HERC2: variants seen among roughly 807,000 people sequenced by gnomAD.
The protein encoded by HERC2 is E3 ubiquitin-protein ligase HERC2.
In HERC2, 102 loss-of-function variants were observed where a neutral mutation model predicts 537.7. The ratio of observed to expected loss-of-function variants is 0.19; its 90% CI spans 0.16 to 0.22. The LOEUF (loss-of-function observed/expected upper bound fraction) is 0.22, where lower values mean the gene tolerates loss of function less well. Ranked by LOEUF, HERC2 falls within the 10% of genes least tolerant of loss-of-function variation. The pLI is 1.00. For missense variants in HERC2, 4,236 were observed against 6,198.2 expected (o/e 0.68, Z 10.63); for synonymous variants, 2,224 against 2,466.2 (o/e 0.90, Z 2.91).
intron 79 of HERC2, 71 bp downstream of exon 79, chr15:28,135,407 G>A: frequency 1.7e-6 from 2 of 1,206,136 alleles, no homozygotes; most frequent in Non-Finnish European, 2.4e-6. Flanking sequence ...AGCGCCAATA[G>A]ATTGTAGCAG....
intron 50 of HERC2, 150 bp from the exon 51 acceptor site, chr15:28,196,719 T>C (rs909356713): frequency 1.5e-5 from 9 of 584,242 alleles, no homozygotes; most frequent in Non-Finnish European, 2.5e-5. Flanking sequence ...AAAATGCTTA[T>C]GGATGAACTA....
chr15:28,141,643 T>C lies in HERC2; in HGVS notation c.11817-13A>G, dbSNP rs759047370. On this transcript the variant is annotated splice_polypyrimidine_tract_variant and intron_variant, in intron 77 of 92. Transcript: ENST00000261609. ...GTCATCTGGTCGCCTACAATACACA[T>C]CAAGTGAGCATTTGCCATGGGCAAG... The C allele has an allele frequency of 6.2e-6, 10 of 1,613,988 alleles. No individual in the cohort carries two copies. In the South Asian group the frequency reaches 7.7e-5, roughly 12 times the overall value.
chr15:28,233,732 G>C lies in HERC2; in HGVS notation c.4283C>G (p.Pro1428Arg). ...QCHLTTPIMFPPEHPVEEVGR... is the reference protein window; with the variant it reads ...QCHLTTPIMFRPEHPVEEVGR... ...GACCTCTTCCACGGGATGCTCGGGG[G>C]GAAACATGATCGGTGTGGTCAAATG... The change falls in exon 28 of 93, where the codon CCC becomes CGC. Residue 1428 changes from proline (P) to arginine (R), a missense_variant. Around this residue, in one of 27 missense-constraint regions of HERC2, gnomAD observed 94 missense variants for 174.9 expected, o/e 0.54. Coordinates refer to ENST00000261609, the MANE Select transcript of HERC2 (RefSeq NM_004667.6). 6.2e-7 allele frequency: 1 copy of C among 1,613,174 alleles called. No homozygotes were observed. The highest frequency in any genetic ancestry group is 8.5e-7 in the Non-Finnish European group (1 of 1,179,272).
chr15:28,266,971 A>G (rs756467466), intron 12 of HERC2, among the ~76,000 whole-genome samples: 1 of 152,238 alleles, frequency 6.6e-6, no homozygotes, highest in Non-Finnish European at 1.5e-5. Context: ...GATGGAATGA[A>G]GCCAGCACTC....
chr15:28,289,301 G>A (rs1339643536), intron 4 of HERC2, among the ~76,000 whole-genome samples: 9 of 152,074 alleles, frequency 5.9e-5, no homozygotes, highest in Non-Finnish European at 1.3e-4. Context: ...AGAAAGGAGA[G>A]TAGTCAGACC....
At chr15:28,291,450 C>A (rs1276458403) in intron 4 of HERC2, among the ~76,000 whole-genome samples, 4 of 151,926 alleles carry the variant, frequency 2.6e-5, no homozygotes, top group Non-Finnish European at 4.4e-5. Context: ...GAAAAAAAAC[C>A]CTGAATATCC....
In HERC2 at chr15:28,155,836, C is replaced by T. The variant is rs146550637; in HGVS notation, c.10747-3006G>A. On this transcript the variant is annotated intron_variant, in intron 69 of 92. Coordinates refer to ENST00000261609, the MANE Select transcript of HERC2 (RefSeq NM_004667.6). ...GGTGTTTGAGACATGAAGTCCTTGCCCATACCTATGTCCTGAATGGTATTC... is the reference window on the plus strand; with the variant it reads ...GGTGTTTGAGACATGAAGTCCTTGCTCATACCTATGTCCTGAATGGTATTC... 8.5e-3 allele frequency among the ~76,000 whole-genome samples: 1,290 copies of T among 152,186 alleles called. 21 individuals are homozygous for T. The highest frequency in any genetic ancestry group is 0.061 in the Middle Eastern group (18 of 294).
intron 68 of HERC2, among the ~76,000 whole-genome samples, chr15:28,165,784 A>T (rs1329059322): frequency 6.6e-6 from 1 of 152,202 alleles, no homozygotes; most frequent in East Asian, 1.9e-4. Context: ...TGGGCAACAG[A>T]ACAAGACCCT....
At chr15:28,187,322 G>GTTTTTTTT (rs869260550) in intron 55 of HERC2, among the ~76,000 whole-genome samples, 1 of 145,210 alleles carries the variant, frequency 6.9e-6, no homozygotes, top group African/African-American at 2.5e-5. Flanking sequence ...AGGAGGTCTG[G>GTTTTTTTT]TTTTTTTTTT....
At chr15:28,248,925 A>G (rs958963782) in intron 20 of HERC2, among the ~76,000 whole-genome samples, 189 bp from the exon 21 acceptor site, 8 of 152,216 alleles carry the variant, frequency 5.3e-5, no homozygotes, top group Admixed American at 4.6e-4. Flanking sequence ...AACGGAGCAG[A>G]AGGGCACGGA....
At position 28,265,141 on chromosome 15, in the gene HERC2, T is replaced by A. The variant is rs2075526637; in HGVS notation, c.1870+477A>T. On this transcript the variant is annotated intron_variant, in intron 14 of 92. Transcript: ENST00000261609. The surrounding 1 kb of genome is among the most constrained non-coding windows in gnomAD (Gnocchi z 4.0). ...TGAAAGACGAGTCATTTCTAAAATA[T>A]TAACATGACTTTAACCATCAAACCT... is the stretch of plus-strand genomic sequence containing the variant. 6.6e-6 allele frequency among the ~76,000 whole-genome samples: 1 copy of A among 152,026 alleles called. No homozygotes were observed. The highest frequency in any genetic ancestry group is 6.6e-5 in the Admixed American group (1 of 15,238).
chr15:28,170,179 T>G (rs927512782), intron 65 of HERC2, among the ~76,000 whole-genome samples: 1 of 151,912 alleles, frequency 6.6e-6, no homozygotes, highest in African/African-American at 2.4e-5. Context: ...CCAGCAAGAG[T>G]TTTTGTCAAC....
At chr15:28,152,609 A>T in intron 70 of HERC2, 68 bp downstream of exon 70, 4 of 1,332,652 alleles carry the variant, frequency 3.0e-6, no homozygotes, top group Non-Finnish European at 4.0e-6. Flanking sequence ...CTACTGAAGC[A>T]ATTACAGAAT....
At chr15:28,201,427 C>T (rs373394433) in intron 48 of HERC2, 29 bp downstream of exon 48, 93 of 1,372,242 alleles carry the variant, frequency 6.8e-5, no homozygotes, top group Admixed American at 1.2e-4. Flanking sequence ...AAAAACGGAT[C>T]GAGGCTCCAG....
At chr15:28,197,340 C>T (rs775750263) in intron 50 of HERC2, among the ~76,000 whole-genome samples, 2 of 152,164 alleles carry the variant, frequency 1.3e-5, no homozygotes, top group South Asian at 2.1e-4. Flanking sequence ...AAGTGTGCCA[C>T]GGATTTGATT....
At chr15:28,135,809 A>G in intron 78 of HERC2, 117 bp from the exon 79 acceptor site, 1 of 737,946 alleles carries the variant, frequency 1.4e-6, no homozygotes, top group Non-Finnish European at 2.2e-6. Context: ...AATAAAATTT[A>G]AAGTTAAAAA....
chr15:28,250,566 T>G (rs1307620071), intron 20 of HERC2, among the ~76,000 whole-genome samples: 2 of 152,228 alleles, frequency 1.3e-5, no homozygotes, highest in Admixed American at 6.5e-5. Flanking sequence ...TAAATGGTAT[T>G]CTGTGGCTCC....
intron 17 of HERC2, among the ~76,000 whole-genome samples, chr15:28,256,785 G>A (rs1418673795): frequency 2.0e-5 from 3 of 152,032 alleles, no homozygotes; most frequent in Non-Finnish European, 2.9e-5. Context: ...TAGTAGAGAC[G>A]GGGTTTCACC....
chr15:28,218,269 T>C (rs1900143576), intron 38 of HERC2, among the ~76,000 whole-genome samples: 1 of 151,784 alleles, frequency 6.6e-6, no homozygotes, highest in South Asian at 2.1e-4. Context: ...TCAAGCAGCT[T>C]CCCCCTCACA....
Sources: gnomAD v4.1 joint callset for allele counts (sites outside exome capture counted in the v4.1 genomes callset) on GRCh38, gnomAD v4.1.1 for gene constraint, gnomAD v4.1.1 regional missense constraint, Gnocchi (gnomAD v3.1) non-coding constraint, MANE v1.5 for transcripts, NCBI Gene and HGNC (gene_info 2026-07-23, HGNC 2026-07-21) for gene names.